CYP2S1: variants seen among roughly 807,000 people sequenced by gnomAD.
The protein encoded by CYP2S1 is cytochrome P450 2S1.
CYP2S1 carries 32 observed loss-of-function variants against 43.5 expected under a neutral mutation model. That is an observed-to-expected ratio of 0.74 (90% CI 0.56 to 0.99). The LOEUF (loss-of-function observed/expected upper bound fraction) is 0.99, where lower values mean the gene tolerates loss of function less well. CYP2S1 is among the 50% of genes least tolerant of loss of function. The pLI is 0.00. For synonymous variants in CYP2S1, 283 were observed against 302.9 expected (o/e 0.93, Z 0.68); for missense variants, 575 against 673.9 (o/e 0.85, Z 1.62).
At position 41,206,263 on chromosome 19, in the gene CYP2S1, C is replaced by CT. The variant is rs761507511; in HGVS notation, c.1307-16dup. 6.2e-7 allele frequency: 1 copy of CT among 1,613,824 alleles called. No individual in the cohort carries two copies. Among genetic ancestry groups the CT allele is most frequent in the African/African-American group, 1.3e-5 (1 of 74,920 alleles). On this transcript the variant is annotated splice_polypyrimidine_tract_variant and intron_variant, in intron 8 of 8. Transcript: ENST00000310054. ...GGAATACTGACTCAGCCCTCTCTCT[C>CT]TCTCTCTCCTCACCAGGGAAGCGTG...
At chr19:41,194,742 A>G in intron 2 of CYP2S1, 33 bp downstream of exon 2, 1 of 1,587,370 alleles carries the variant, frequency 6.3e-7, no homozygotes, top group Non-Finnish European at 8.5e-7. Context: ...CTCCGCTCAC[A>G]GCCTGCCACC....
At chr19:41,203,347 G>C in intron 6 of CYP2S1, 103 bp from the exon 7 acceptor site, 1 of 1,339,190 alleles carries the variant, frequency 7.5e-7, no homozygotes, top group Non-Finnish European at 9.8e-7. Flanking sequence ...CTCCCCACCT[G>C]TCAGCCTCAC....
intron 6 of CYP2S1, among the ~76,000 whole-genome samples, chr19:41,203,072 C>T (rs2033510617): frequency 6.6e-6 from 1 of 151,810 alleles, no homozygotes; most frequent in Non-Finnish European, 1.5e-5. Flanking sequence ...TGCACTCCAG[C>T]CTGGGTGGCA....
In CYP2S1 at chr19:41,193,366, C is replaced by A. The variant is rs1014363746; in HGVS notation, c.102C>A (p.Pro34=). Residue 34 remains proline (P), a synonymous_variant, in exon 1 of 9, where the codon CCC becomes CCA. Transcript: ENST00000310054. ...CCAGGGCCCGAGGCCACCTGCCCCC[C>A]GGGCCCACGCCGCTACCACTGCTGG... ...SGTRARGHLP[P]GPTPLPLLGN... 1.3e-6 allele frequency: 2 copies of A among 1,532,588 alleles called. No individual in the cohort carries two copies. The highest frequency in any genetic ancestry group is 2.5e-5 in the East Asian group (1 of 39,708). The allele number at this position is 1,532,588 out of a possible 1,614,324, so 94.9% of individuals were successfully genotyped here. A position where few individuals can be genotyped will look rare whatever the true frequency, so the allele number is the denominator to read the frequency against.
At chr19:41,205,390 C>CTCTCTTTCTTTCTCTCTT (rs2033557354) in intron 7 of CYP2S1, among the ~76,000 whole-genome samples, 1 of 83,686 alleles carries the variant, frequency 1.2e-5, no homozygotes, top group Non-Finnish European at 2.4e-5. Context: ...TTCTCTCTCT[C>CTCTCTTTCTTTCTCTCTT]TCTTTCTTTC....
At chr19:41,204,031 T>A (rs990823976) in intron 7 of CYP2S1, among the ~76,000 whole-genome samples, 1 of 151,950 alleles carries the variant, frequency 6.6e-6, no homozygotes, top group Non-Finnish European at 1.5e-5. Context: ...CCAGCTAATT[T>A]TTTGTATTTT....
At chr19:41,204,663 TCTCGGCTCACTGCAAC>T (rs1213722854) in intron 7 of CYP2S1, among the ~76,000 whole-genome samples, 1 of 150,026 alleles carries the variant, frequency 6.7e-6, no homozygotes, top group Non-Finnish European at 1.5e-5. Context: ...ACTGGCGTGA[TCTCGGCTCACTGCAAC>T]CTCCGCCTCC....
chr19:41,204,626 C>T (rs2033539595), intron 7 of CYP2S1, among the ~76,000 whole-genome samples: 1 of 135,612 alleles, frequency 7.4e-6, no homozygotes, highest in African/African-American at 2.8e-5. Context: ...GAGATGGAGT[C>T]TCGCTCTGTT....
At chr19:41,193,490 A>G (rs2033369027) in intron 1 of CYP2S1, 49 bp downstream of exon 1, 3 of 1,390,516 alleles carry the variant, frequency 2.2e-6, no homozygotes, top group Non-Finnish European at 2.8e-6. Context: ...GATTCCTGGG[A>G]GAGAAACCCG....
At chr19:41,194,743 G>A (rs765677081) in intron 2 of CYP2S1, 34 bp downstream of exon 2, 2 of 1,586,674 alleles carry the variant, frequency 1.3e-6, no homozygotes, top group Admixed American at 3.8e-5. Flanking sequence ...TCCGCTCACA[G>A]CCTGCCACCA....
At position 41,201,438 on chromosome 19, in the gene CYP2S1, G is replaced by T. The variant is rs2033488281; in HGVS notation, c.976+66G>T. On this transcript the variant is annotated intron_variant, in intron 6 of 8. Coordinates refer to ENST00000310054, the MANE Select transcript of CYP2S1 (RefSeq NM_030622.8). The stretch of plus-strand genomic sequence containing the variant: ...TCAGGGTTCTAGGCTGAGCAAGGTG[G>T]CTCACGCCTATAATCCCAGCACTTT... 8 of 1,567,372 alleles carry T rather than the reference G, an allele frequency of 5.1e-6. No homozygotes were observed. In the Middle Eastern group the frequency reaches 6.9e-4, roughly 135 times the overall value.
intron 6 of CYP2S1, among the ~76,000 whole-genome samples, chr19:41,202,331 G>A (rs937234636): frequency 6.6e-6 from 1 of 152,162 alleles, no homozygotes; most frequent in Non-Finnish European, 1.5e-5. Flanking sequence ...TGGGCCATGG[G>A]GACGGGCTGA....
At position 41,198,374 on chromosome 19, in the gene CYP2S1, C is replaced by A; in HGVS notation, c.494-88C>A. 1 of 1,534,520 alleles carries A rather than the reference C, an allele frequency of 6.5e-7. No homozygotes were observed. Among genetic ancestry groups the A allele is most frequent in the Non-Finnish European group, 8.8e-7 (1 of 1,131,188 alleles). On this transcript the variant is annotated intron_variant, in intron 3 of 8. Transcript: ENST00000310054. This position sits in a 1 kb window ranked among gnomAD's most constrained non-coding sequence, Gnocchi z 4.9. ...TGTCCATCCATCTTTCCCTGCCTCC[C>A]TGTCTCTCTCTGGTTGGGTTCAGCT...
rs950357174 is a variant in CYP2S1 at position 41,205,811 on chromosome 19, T to C, written c.1165-147T>C. 1.4e-5 allele frequency: 15 copies of C among 1,055,750 alleles called. No individual in the cohort carries two copies. In the African/African-American group the frequency reaches 2.2e-4, roughly 16 times the overall value. The allele number at this position is 1,055,750 out of a possible 1,614,324, so 65.4% of individuals were successfully genotyped here. ...GGCTGGGATTACAGGCATGAGCCAC[T>C]GCACGCCACTCAACACTCCACAAAT... On this transcript the variant is annotated intron_variant, in intron 7 of 8. Coordinates refer to ENST00000310054, the MANE Select transcript of CYP2S1 (RefSeq NM_030622.8).
In CYP2S1 at chr19:41,198,912, CCT is replaced by C; in HGVS notation, c.834+29_834+30del. ...AGGTGTGGGAAGGGTGCAGGGACCC[CCT>C]CTCTGAATGGGCGTGGTGACCTGGC... On this transcript the variant is annotated intron_variant, in intron 5 of 8. Transcript: ENST00000310054. The surrounding 1 kb of genome is among the most constrained non-coding windows in gnomAD (Gnocchi z 4.9). 1 of 1,588,972 alleles carries C rather than the reference CCT, an allele frequency of 6.3e-7. No homozygotes were observed. Among genetic ancestry groups the C allele is most frequent in the Middle Eastern group, 1.7e-4 (1 of 5,964 alleles).
chr19:41,197,957 T>TCCAGC, intron 3 of CYP2S1, 29 bp downstream of exon 3: 1 of 1,585,620 alleles, frequency 6.3e-7, no homozygotes, highest in Non-Finnish European at 8.6e-7. Context: ...CCCCAGGGTC[T>TCCAGC]CCAGCCGAGT....
chr19:41,197,056 G>A (rs548419749), intron 2 of CYP2S1, among the ~76,000 whole-genome samples: 7 of 152,242 alleles, frequency 4.6e-5, no homozygotes, highest in African/African-American at 1.4e-4. Flanking sequence ...TTAGCTGGGC[G>A]TAGTGGCATA....
intron 5 of CYP2S1, among the ~76,000 whole-genome samples, chr19:41,199,468 A>G (rs1342232818): frequency 6.6e-6 from 1 of 151,180 alleles, no homozygotes; most frequent in Middle Eastern, 3.2e-3. Flanking sequence ...GCAACCTTGA[A>G]CTCCTGGGCT....
chr19:41,206,869 C>T lies in CYP2S1; in HGVS notation c.*381C>T. On this transcript the variant is annotated 3_prime_UTR_variant, in exon 9 of 9. Coordinates refer to ENST00000310054, the MANE Select transcript of CYP2S1 (RefSeq NM_030622.8). The stretch of plus-strand genomic sequence containing the variant: ...GAAACGGCCACACATGTTCACAGCT[C>T]ACACGCCCTCTCCATTCATCGAACT... The T allele has an allele frequency of 2.2e-6, 1 of 453,346 alleles. No individual in the cohort carries two copies. Among genetic ancestry groups the T allele is most frequent in the Non-Finnish European group, 4.4e-6 (1 of 226,390 alleles). The allele number at this position is 453,346 out of a possible 1,614,324, so 28.1% of individuals were successfully genotyped here. A position where few individuals can be genotyped will look rare whatever the true frequency, so the allele number is the denominator to read the frequency against.
Sources: allele counts gnomAD v4.1 joint callset (sites outside exome capture counted in the v4.1 genomes callset), GRCh38; gene constraint gnomAD v4.1.1; non-coding constraint Gnocchi (gnomAD v3.1); transcripts MANE v1.5; gene names NCBI Gene and HGNC (gene_info 2026-07-23, HGNC 2026-07-21).